Variants in CLCA1 observed in about 807,000 individuals in gnomAD.
CLCA1 encodes the protein calcium-activated chloride channel regulator 1.
In CLCA1, 59 loss-of-function variants were observed where a neutral mutation model predicts 85.6. The observed-to-expected ratio is 0.69, with a 90% CI of 0.56 to 0.86. The LOEUF (loss-of-function observed/expected upper bound fraction) is 0.86. Among genes scored for constraint, CLCA1 ranks in the 40% least tolerant of loss-of-function variants. The probability of loss-of-function intolerance (pLI) is 0.00; values close to 1 mark genes in which losing one functional copy is unlikely to be tolerated. For synonymous variants in CLCA1, 396 were observed against 398.3 expected (o/e 0.99, Z 0.07); for missense variants, 1,022 against 1,101.4 (o/e 0.93, Z 1.02).
At position 86,488,993 on chromosome 1, in the gene CLCA1, T is replaced by C; in HGVS notation, c.1183-3T>C. On this transcript the variant is annotated splice_polypyrimidine_tract_variant and splice_region_variant and intron_variant, in intron 7 of 13. Coordinates refer to ENST00000394711, the MANE Select transcript of CLCA1 (RefSeq NM_001285.4). Reference sequence around the variant, plus strand: ...TAACTCGTGCCCTAAATTCTGTCCTTAGGTGATTAGGAAGAAATATCCAAC... The same window carrying C: ...TAACTCGTGCCCTAAATTCTGTCCTCAGGTGATTAGGAAGAAATATCCAAC... The C allele has an allele frequency of 1.2e-6, 2 of 1,613,104 alleles. No individual in the cohort carries two copies. Among genetic ancestry groups the C allele is most frequent in the South Asian group, 1.1e-5 (1 of 90,962 alleles).
chr1:86,494,618 T>C (rs543935347), intron 11 of CLCA1, among the ~76,000 whole-genome samples, 170 bp downstream of exon 11: 1 of 152,302 alleles, frequency 6.6e-6, no homozygotes, highest in South Asian at 2.1e-4. Flanking sequence ...TTCAAAATGC[T>C]GGAAAACATG....
intron 4 of CLCA1, among the ~76,000 whole-genome samples, chr1:86,480,841 T>TA (rs1290274495): frequency 6.6e-6 from 1 of 152,052 alleles, no homozygotes. Flanking sequence ...CATATCAAAT[T>TA]AAAAAAAGTC....
Position 86,489,062 on chromosome 1 carries a change from A to T in CLCA1, c.1249A>T (p.Thr417Ser), listed in dbSNP as rs777253097. ...IVLLTDGEDN[T>S]ISGCFNEVKQ... is the part of the protein sequence containing the mutation. ...GCTGCTGACGGATGGGGAAGACAAC[A>T]CTATAAGTGGGTGCTTTAACGAGGT... The change falls in exon 8 of 14, where the codon ACT becomes TCT. Residue 417 changes from threonine to serine, a missense_variant. Physicochemically the swap from Thr to Ser is moderately conservative, Grantham distance 58. Transcript: ENST00000394711. 14 of 1,613,966 alleles carry T rather than the reference A, an allele frequency of 8.7e-6. No individual in the cohort carries two copies. Among genetic ancestry groups the T allele is most frequent in the Non-Finnish European group, 1.2e-5 (14 of 1,180,002 alleles).
Position 86,486,599 on chromosome 1 carries a change from G to A in CLCA1, c.1028G>A (p.Trp343Ter). The A allele has an allele frequency of 6.2e-7, 1 of 1,614,172 alleles. No homozygotes were observed. The highest frequency in any genetic ancestry group is 8.5e-7 in the Non-Finnish European group (1 of 1,180,032). ...CTGCAGACAGTTGAGCTGGGGTCCT[G>A]GGTTGGGATGGTGACATTTGACAGT... ...FLLQTVELGS[W>*]VGMVTFDSAA... Residue 343 changes from tryptophan (W) to a stop codon, truncating the protein, a stop_gained, in exon 7 of 14, where the codon TGG becomes TAG. Transcript: ENST00000394711. LOFTEE classifies it high-confidence loss of function.
At chr1:86,473,608 AT>A in intron 2 of CLCA1, 51 bp downstream of exon 2, 2 of 1,503,040 alleles carry the variant, frequency 1.3e-6, no homozygotes, top group Non-Finnish European at 1.8e-6. Flanking sequence ...TGTAACCAAG[AT>A]TTTTTAAAAT....
intron 8 of CLCA1, 22 bp downstream of exon 8, chr1:86,489,192 C>T (rs912827926): frequency 6.2e-7 from 1 of 1,606,712 alleles, no homozygotes; most frequent in South Asian, 1.1e-5. Flanking sequence ...TTTGCTGAGA[C>T]CCCCGGTATT....
intron 1 of CLCA1, among the ~76,000 whole-genome samples, chr1:86,470,387 T>C (rs934997531): frequency 2.6e-5 from 4 of 152,160 alleles, no homozygotes; most frequent in African/African-American, 4.8e-5. Flanking sequence ...GAGTTTTTGA[T>C]TGTTTCTAAA....
intron 5 of CLCA1, among the ~76,000 whole-genome samples, chr1:86,483,501 TTTTC>T (rs1647875041): frequency 6.6e-6 from 1 of 152,118 alleles, no homozygotes; most frequent in African/African-American, 2.4e-5. Flanking sequence ...ATCATGTTAC[TTTTC>T]TTTTGTATAC....
At chr1:86,482,753 A>G (rs1647853578) in intron 5 of CLCA1, among the ~76,000 whole-genome samples, 1 of 152,170 alleles carries the variant, frequency 6.6e-6, no homozygotes, top group South Asian at 2.1e-4. Flanking sequence ...TCTTGATTTA[A>G]CTTTCAGAGA....
Position 86,495,499 on chromosome 1 carries a change from A to G in CLCA1, c.1943-6A>G, listed in dbSNP as rs770516474. Reference sequence around the variant, plus strand: ...CTATTTATTAATTCCTTCATTCTTTATCAAGGTGCTGATGCTACTAAGGAT... The same window carrying G: ...CTATTTATTAATTCCTTCATTCTTTGTCAAGGTGCTGATGCTACTAAGGAT... On this transcript the variant is annotated splice_region_variant and splice_polypyrimidine_tract_variant and intron_variant, in intron 11 of 13. Transcript: ENST00000394711. The G allele has an allele frequency of 3.1e-6, 5 of 1,606,088 alleles. No individual in the cohort carries two copies. Among genetic ancestry groups the G allele is most frequent in the Non-Finnish European group, 4.3e-6 (5 of 1,173,702 alleles).
At chr1:86,488,902 T>C in intron 7 of CLCA1, 94 bp from the exon 8 acceptor site, 1 of 1,074,140 alleles carries the variant, frequency 9.3e-7, no homozygotes, top group Non-Finnish European at 1.4e-6. Context: ...TTATTCCCTC[T>C]AGAATTTCTT....
intron 4 of CLCA1, among the ~76,000 whole-genome samples, chr1:86,476,782 CT>C (rs34132913): frequency 6.6e-5 from 10 of 150,998 alleles, no homozygotes; most frequent in African/African-American, 1.9e-4. Context: ...CTCCTTTTTT[CT>C]TTTTTTTTAA....
In CLCA1 at chr1:86,486,301, T is replaced by G. The variant is rs565446602; in HGVS notation, c.955-225T>G. Among the ~76,000 whole-genome samples the G allele has an allele frequency of 1.2e-4, 19 of 152,348 alleles. No individual in the cohort carries two copies. In the South Asian group the frequency reaches 3.9e-3, roughly 32 times the overall value. On this transcript the variant is annotated intron_variant, in intron 6 of 13. Coordinates refer to ENST00000394711, the MANE Select transcript of CLCA1 (RefSeq NM_001285.4). ...CTAATGCATTGAACTTTAATGATTA[T>G]GTAATCTGTTTTTATCTTTTACTAT...
At position 86,500,002 on chromosome 1, in the gene CLCA1, T is replaced by C; in HGVS notation, c.2702T>C (p.Ile901Thr). 1.2e-6 allele frequency: 2 copies of C among 1,612,896 alleles called. No homozygotes were observed. Among genetic ancestry groups the C allele is most frequent in the South Asian group, 1.1e-5 (1 of 91,048 alleles). ...STIPGIHILK[I>T]MWKWIGELQL... ...ATTCCTGGCATTCACATTTTAAAAATTATGTGGAAGTGGATAGGAGAACTG... is the reference window on the plus strand; with the variant it reads ...ATTCCTGGCATTCACATTTTAAAAACTATGTGGAAGTGGATAGGAGAACTG... Residue 901 changes from isoleucine to threonine, a missense_variant, in exon 14 of 14, where the codon ATT (isoleucine) becomes ACT (threonine). By Grantham distance (89) the Ile-to-Thr change is moderately conservative (BLOSUM62 -1). Coordinates refer to ENST00000394711, the MANE Select transcript of CLCA1 (RefSeq NM_001285.4).
At chr1:86,486,087 G>T (rs1647959512) in intron 6 of CLCA1, among the ~76,000 whole-genome samples, 1 of 151,486 alleles carries the variant, frequency 6.6e-6, no homozygotes, top group Non-Finnish European at 1.5e-5. Flanking sequence ...AAAACCATCA[G>T]ATCTCGTCAG....
intron 4 of CLCA1, among the ~76,000 whole-genome samples, chr1:86,477,110 A>G (rs1198577719): frequency 6.6e-6 from 1 of 152,170 alleles, no homozygotes; most frequent in Non-Finnish European, 1.5e-5. Context: ...GAGTCTCACC[A>G]TGTTGCCAGG....
intron 4 of CLCA1, among the ~76,000 whole-genome samples, chr1:86,479,971 GT>G (rs1647772567): frequency 6.6e-6 from 1 of 152,200 alleles, no homozygotes; most frequent in Non-Finnish European, 1.5e-5. Flanking sequence ...TTACAAGTCT[GT>G]GAAGAAAGAT....
chr1:86,486,715 G>A lies in CLCA1; in HGVS notation c.1144G>A (p.Gly382Arg). Reference protein sequence around the residue: ...AKRLPAAASGGTSICSGLRSA... With the variant: ...AKRLPAAASGRTSICSGLRSA... Reference sequence around the variant, plus strand: ...AAGATTACCTGCAGCAGCTTCAGGAGGGACGTCCATCTGCAGCGGGCTTCG... The same window carrying A: ...AAGATTACCTGCAGCAGCTTCAGGAAGGACGTCCATCTGCAGCGGGCTTCG... Residue 382 changes from glycine (G) to arginine (R), a missense_variant, in exon 7 of 14, where the codon GGG becomes AGG. Transcript: ENST00000394711. 1 of 1,614,212 alleles carries A rather than the reference G, an allele frequency of 6.2e-7. No individual in the cohort carries two copies. The highest frequency in any genetic ancestry group is 8.5e-7 in the Non-Finnish European group (1 of 1,180,036).
intron 4 of CLCA1, among the ~76,000 whole-genome samples, chr1:86,476,914 T>C (rs1485434757): frequency 6.6e-6 from 1 of 152,088 alleles, no homozygotes; most frequent in Non-Finnish European, 1.5e-5. Flanking sequence ...AGAATAATAA[T>C]ATCTTCTTTT....
Sources: allele counts gnomAD v4.1 joint callset (sites outside exome capture counted in the v4.1 genomes callset), GRCh38; gene constraint gnomAD v4.1.1; transcripts MANE v1.5; gene names NCBI Gene and HGNC (gene_info 2026-07-23, HGNC 2026-07-21).